The following OTOGL variants were observed in gnomAD, a reference collection of about 807,000 sequenced individuals.
OTOGL encodes the protein otogelin like, also known as otogelin-like protein.
In OTOGL, 285 loss-of-function variants were observed where a neutral mutation model predicts 318.5. The ratio of observed to expected loss-of-function variants is 0.89; its 90% CI spans 0.81 to 0.99. The LOEUF is 0.99. OTOGL is among the 50% of genes least tolerant of loss of function. The pLI, the probability that OTOGL is intolerant of heterozygous loss-of-function variation, is 0.00. For synonymous variants in OTOGL, 987 were observed against 936.5 expected, an observed-to-expected ratio of 1.05 and a Z score of -0.99; for missense variants, 2,899 against 2,845.6, an observed-to-expected ratio of 1.02 and a Z score of -0.43.
intron 29 of OTOGL, among the ~76,000 whole-genome samples, chr12:80,309,070 C>T (rs1052495893): frequency 2.0e-5 from 3 of 152,112 alleles, no homozygotes; most frequent in Admixed American, 1.3e-4. Context: ...TAATTTTAAA[C>T]CGCCTCAAAA....
intron 1 of OTOGL, 113 bp from the exon 2 acceptor site, chr12:80,209,300 T>G: frequency 1.8e-6 from 1 of 553,170 alleles, no homozygotes; most frequent in South Asian, 4.7e-5. Flanking sequence ...CTGGAATTCC[T>G]TTTTGAATTA....
intron 57 of OTOGL, among the ~76,000 whole-genome samples, chr12:80,375,878 T>C (rs1409496233): frequency 6.6e-6 from 1 of 151,972 alleles, no homozygotes; most frequent in Non-Finnish European, 1.5e-5. Flanking sequence ...GCACTGAGCC[T>C]CGAGTCACAC....
At chr12:80,376,758 T>G (rs1459856686) in intron 57 of OTOGL, among the ~76,000 whole-genome samples, 1 of 152,156 alleles carries the variant, frequency 6.6e-6, no homozygotes, top group African/African-American at 2.4e-5. Flanking sequence ...TATATCTACT[T>G]ATACACTTTA....
chr12:80,278,552 T>C (rs1332597327), intron 25 of OTOGL, among the ~76,000 whole-genome samples: 1 of 151,556 alleles, frequency 6.6e-6, no homozygotes, highest in Non-Finnish European at 1.5e-5. Context: ...AAGTGCTAAA[T>C]GTTACAAAGA....
chr12:80,309,994 G>T (rs1886523177), intron 29 of OTOGL, among the ~76,000 whole-genome samples: 1 of 152,164 alleles, frequency 6.6e-6, no homozygotes, highest in South Asian at 2.1e-4. Flanking sequence ...GGGAACAGCA[G>T]CCAATGTAGC....
chr12:80,202,139 G>A (rs970353221), intron 1 of OTOGL, among the ~76,000 whole-genome samples: 1 of 152,272 alleles, frequency 6.6e-6, no homozygotes. Context: ...ACTCCTCATA[G>A]CAGAAGAGTG....
At chr12:80,122,749 A>G (rs996479798) in intron 1 of OTOGL, among the ~76,000 whole-genome samples, 1 of 152,054 alleles carries the variant, frequency 6.6e-6, no homozygotes, top group Non-Finnish European at 1.5e-5. Flanking sequence ...GTATGCAAAC[A>G]CTCAAATAAC....
At chr12:80,171,129 C>T (rs1037420214) in intron 1 of OTOGL, among the ~76,000 whole-genome samples, 5 of 151,968 alleles carry the variant, frequency 3.3e-5, no homozygotes, top group Non-Finnish European at 7.4e-5. Flanking sequence ...GGCTGCAGTG[C>T]AGGGCATGAT....
At chr12:80,192,117 A>G (rs1320260839) in intron 1 of OTOGL, among the ~76,000 whole-genome samples, 2 of 152,124 alleles carry the variant, frequency 1.3e-5, no homozygotes, top group African/African-American at 4.8e-5. Context: ...TGTAACTTCC[A>G]TGTTTGGATA....
chr12:80,332,631 A>T (rs564658539), intron 37 of OTOGL, among the ~76,000 whole-genome samples: 1 of 152,366 alleles, frequency 6.6e-6, no homozygotes, highest in African/African-American at 2.4e-5. Flanking sequence ...TCAAAATGTA[A>T]GAAGATTTTT....
chr12:80,277,417 A>G (rs1267204331), intron 24 of OTOGL, among the ~76,000 whole-genome samples: 2 of 147,556 alleles, frequency 1.4e-5, no homozygotes, highest in African/African-American at 4.9e-5. Flanking sequence ...TAACACACCA[A>G]AATTAATTCT....
intron 26 of OTOGL, among the ~76,000 whole-genome samples, chr12:80,279,496 T>A (rs1328007778): frequency 6.6e-6 from 1 of 151,618 alleles, no homozygotes; most frequent in African/African-American, 2.4e-5. Flanking sequence ...CCCTCTTTGT[T>A]TCCATATATA....
chr12:80,232,759 T>C, intron 8 of OTOGL, 133 bp from the exon 9 acceptor site: 4 of 815,182 alleles, frequency 4.9e-6, no homozygotes, highest in Non-Finnish European at 7.5e-6. Flanking sequence ...GCTTTGGAGC[T>C]CTTGCTGCAC....
At chr12:80,152,710 ACAGAGTGT>A (rs1338888477) in intron 1 of OTOGL, among the ~76,000 whole-genome samples, 1 of 152,096 alleles carries the variant, frequency 6.6e-6, no homozygotes, top group Non-Finnish European at 1.5e-5. Flanking sequence ...TTTTTTTGAG[ACAGAGTGT>A]CACTTTGTCA....
chr12:80,239,245 A>ATAATCTTGCAAATCT (rs1880149397), intron 10 of OTOGL, 88 bp from the exon 11 acceptor site: 1 of 1,112,188 alleles, frequency 9.0e-7, no homozygotes, highest in Non-Finnish European at 1.3e-6. Context: ...GAGAACTGAA[A>ATAATCTTGCAAATCT]ATCTTGCAAA....
intron 55 of OTOGL, among the ~76,000 whole-genome samples, chr12:80,368,517 A>AGTTAAGAAG (rs1352364465): frequency 6.6e-6 from 1 of 152,062 alleles, no homozygotes; most frequent in Non-Finnish European, 1.5e-5. Context: ...TTGTGACTCA[A>AGTTAAGAAG]ACTTATTTTA....
chr12:80,375,261 A>G (rs1252388296), intron 57 of OTOGL, among the ~76,000 whole-genome samples: 1 of 151,948 alleles, frequency 6.6e-6, no homozygotes, highest in Non-Finnish European at 1.5e-5. Context: ...ATTAGAAATG[A>G]CTCTTGGTAC....
At chr12:80,135,024 A>G (rs1478842823) in intron 1 of OTOGL, among the ~76,000 whole-genome samples, 2 of 152,098 alleles carry the variant, frequency 1.3e-5, no homozygotes, top group African/African-American at 2.4e-5. Context: ...CCATGAAGAC[A>G]TCACTTCTAC....
intron 1 of OTOGL, among the ~76,000 whole-genome samples, chr12:80,203,928 A>G (rs932909157): frequency 1.3e-5 from 2 of 152,196 alleles, no homozygotes; most frequent in Admixed American, 6.5e-5. Context: ...TACACACACC[A>G]AAGTTTAAGA....
Sources: allele counts gnomAD v4.1 joint callset (sites outside exome capture counted in the v4.1 genomes callset), GRCh38; gene constraint gnomAD v4.1.1; transcripts MANE v1.5; gene names NCBI Gene and HGNC (gene_info 2026-07-23, HGNC 2026-07-21).